AMDHD1: variants seen among roughly 807,000 people sequenced by gnomAD.
AMDHD1 encodes probable imidazolonepropionase.
Under a neutral mutation model 44.1 loss-of-function variants are expected in AMDHD1, and 45 were observed. The observed-to-expected ratio is 1.02, with a 90% CI of 0.80 to 1.31. The LOEUF (loss-of-function observed/expected upper bound fraction) is 1.31, where lower values mean the gene tolerates loss of function less well. Among genes scored for constraint, AMDHD1 ranks in the 50% most tolerant of loss-of-function variants. AMDHD1 has a pLI of 0.00. For synonymous variants in AMDHD1, 206 were observed against 205.0 expected (o/e 1.00, Z -0.04); for missense variants, 586 against 552.1 (o/e 1.06, Z -0.61).
At chr12:95,958,776 C>T (rs941105824) in intron 4 of AMDHD1, among the ~76,000 whole-genome samples, 10 of 152,180 alleles carry the variant, frequency 6.6e-5, no homozygotes, top group African/African-American at 2.4e-4. Context: ...CTTGCGCAGG[C>T]AGGGCACGGT....
intron 5 of AMDHD1, among the ~76,000 whole-genome samples, 193 bp downstream of exon 5, chr12:95,960,816 G>T (rs1439005760): frequency 1.3e-5 from 2 of 152,120 alleles, no homozygotes; most frequent in Non-Finnish European, 2.9e-5. Flanking sequence ...TTTTGCTGAT[G>T]ATTTACTTTC....
intron 6 of AMDHD1, among the ~76,000 whole-genome samples, chr12:95,964,050 A>AT (rs1460823354): frequency 6.8e-6 from 1 of 147,960 alleles, no homozygotes; most frequent in African/African-American, 2.5e-5. Flanking sequence ...AAAAAAAAAA[A>AT]GGCCTTTCTT....
At chr12:95,959,206 A>G (rs1024111846) in intron 4 of AMDHD1, among the ~76,000 whole-genome samples, 3 of 152,232 alleles carry the variant, frequency 2.0e-5, no homozygotes, top group Admixed American at 6.5e-5. Context: ...GAAGTTTCAC[A>G]GAAATTTTCT....
intron 5 of AMDHD1, among the ~76,000 whole-genome samples, chr12:95,961,736 C>T (rs2080582791): frequency 6.6e-6 from 1 of 152,264 alleles, no homozygotes; most frequent in Non-Finnish European, 1.5e-5. Flanking sequence ...CAATTCCTCC[C>T]AATTCTCCCA....
At position 95,968,012 on chromosome 12, in the gene AMDHD1, A is replaced by T. The variant is rs1019739528; in HGVS notation, c.*169A>T. 7.9e-6 allele frequency: 4 copies of T among 507,116 alleles called. No individual in the cohort carries two copies. The African/African-American group carries it at 8.0e-5, about 10-fold the overall frequency. 31.4% of individuals were successfully genotyped at this position (507,116 alleles called of 1,614,324 possible). A position where few individuals can be genotyped will look rare whatever the true frequency, so the allele number is the denominator to read the frequency against. ...CCAAGGGATAGATTTATTTTCATTT[A>T]ACACATGCATTTGACATATAAACAG... On this transcript the variant is annotated 3_prime_UTR_variant, in exon 9 of 9. Transcript: ENST00000266736.
chr12:95,960,067 A>C (rs997724442), intron 4 of AMDHD1, among the ~76,000 whole-genome samples: 3 of 152,098 alleles, frequency 2.0e-5, no homozygotes, highest in Admixed American at 6.6e-5. Context: ...GATTACAGGC[A>C]TGAGTCACTG....
At chr12:95,957,676 T>C (rs886176207) in intron 4 of AMDHD1, among the ~76,000 whole-genome samples, 1 of 152,204 alleles carries the variant, frequency 6.6e-6, no homozygotes, top group African/African-American at 2.4e-5. Context: ...AATATAATAC[T>C]ACAGACTTAC....
In AMDHD1 at chr12:95,960,443, C is replaced by T. The variant is rs773040508; in HGVS notation, c.633C>T (p.His211=). 6.2e-6 allele frequency: 10 copies of T among 1,614,220 alleles called. No homozygotes were observed. The highest frequency in any genetic ancestry group is 1.6e-4 in the Middle Eastern group (1 of 6,062). The change falls in exon 5 of 9, where the codon CAC becomes CAT. Residue 211 remains histidine (H), a synonymous_variant. Coordinates refer to ENST00000266736, the MANE Select transcript of AMDHD1 (RefSeq NM_152435.3). ...CTGCTGATGACATCATCAATAACCACCTCCCAAAGCTGAAGGAACTTGGCA... is the reference window on the plus strand; with the variant it reads ...CTGCTGATGACATCATCAATAACCATCTCCCAAAGCTGAAGGAACTTGGCA... ...TEAADDIINN[H]LPKLKELGRN...
intron 1 of AMDHD1, 120 bp downstream of exon 1, chr12:95,943,655 G>T: frequency 7.7e-7 from 1 of 1,301,596 alleles, no homozygotes; most frequent in East Asian, 3.1e-5. Flanking sequence ...AGATACACGG[G>T]CAAGCCAGCC....
At chr12:95,960,297 T>C in intron 4 of AMDHD1, 101 bp from the exon 5 acceptor site, 1 of 987,304 alleles carries the variant, frequency 1.0e-6, no homozygotes, top group Non-Finnish European at 1.5e-6. Context: ...TTGAAGTCAT[T>C]TACCTCTACT....
At position 95,949,156 on chromosome 12, in the gene AMDHD1, AAAAG is replaced by A. The variant is rs2080515183; in HGVS notation, c.138-3557_138-3554del. Among the ~76,000 whole-genome samples the A allele has an allele frequency of 2.7e-4, 5 of 18,802 alleles. 2 individuals carry two copies. The highest frequency in any genetic ancestry group is 4.9e-4 in the African/African-American group (1 of 2,052). The allele number at this position is 18,802 out of a possible 152,430, so 12.3% of individuals were successfully genotyped here. A position where few individuals can be genotyped will look rare whatever the true frequency, so the allele number is the denominator to read the frequency against. On this transcript the variant is annotated intron_variant, in intron 1 of 8. Transcript: ENST00000266736. The stretch of plus-strand genomic sequence containing the variant: ...AAAATAAATTAAAAAAAAAAAAAAA[AAAAG>A]AAAAAAAAAAAAAAAAAAGAGACTG...
Position 95,965,715 on chromosome 12 carries a change from T to G in AMDHD1, c.968T>G (p.Leu323Ter), listed in dbSNP as rs2080606896. ...AAACAACCTCGAGCCAGGAAGATGT[T>G]AGATGAAGGAGTAATAGTTGCTCTG... ...RLKQPRARKM[L>*]DEGVIVALGS... The change falls in exon 7 of 9, where the codon TTA (leucine) becomes TGA (stop). Residue 323 changes from leucine to a stop codon, truncating the protein, a stop_gained. Transcript: ENST00000266736. LOFTEE classifies it high-confidence loss of function. The G allele has an allele frequency of 6.2e-7, 1 of 1,613,032 alleles. No individual in the cohort carries two copies. The highest frequency in any genetic ancestry group is 1.3e-5 in the African/African-American group (1 of 74,902).
At chr12:95,952,410 A>G (rs941649441) in intron 1 of AMDHD1, among the ~76,000 whole-genome samples, 9 of 152,078 alleles carry the variant, frequency 5.9e-5, no homozygotes, top group South Asian at 2.1e-4. Flanking sequence ...CCACTGGTCT[A>G]TGTGTCTGTT....
intron 3 of AMDHD1, among the ~76,000 whole-genome samples, chr12:95,955,437 G>A (rs927164323): frequency 4.6e-5 from 7 of 151,988 alleles, no homozygotes; most frequent in Admixed American, 1.3e-4. Flanking sequence ...CCTGGTTGGA[G>A]AGATTTTCAC....
intron 4 of AMDHD1, 47 bp from the exon 5 acceptor site, chr12:95,960,351 G>A: frequency 6.4e-7 from 1 of 1,552,470 alleles, no homozygotes; most frequent in African/African-American, 1.4e-5. Flanking sequence ...GTCTTTTTGT[G>A]TTTTGTTTTT....
chr12:95,952,929 T>TA (rs2080531716), intron 2 of AMDHD1, 106 bp downstream of exon 2: 12 of 655,178 alleles, frequency 1.8e-5, no homozygotes, highest in East Asian at 5.6e-5. Flanking sequence ...AAATAATATT[T>TA]AAAAAAAATC....
In AMDHD1 at chr12:95,943,408, G is replaced by A. The variant is rs1241463784; in HGVS notation, c.10G>A (p.Gly4Ser). Residue 4 changes from glycine (G) to serine (S), a missense_variant, in exon 1 of 9, where the codon GGC (glycine) becomes AGC (serine). Gly to Ser is a moderately conservative substitution (Grantham distance 56). Transcript: ENST00000266736. Reference sequence around the variant, plus strand: ...CTCGGCGCGAGGCGACATGGCAAGCGGCCACAGCCTCCTGCTGGAGAACGC... The same window carrying A: ...CTCGGCGCGAGGCGACATGGCAAGCAGCCACAGCCTCCTGCTGGAGAACGC... MASGHSLLLENAQQ... is the reference protein window; with the variant it reads MASSHSLLLENAQQ... 6.7e-7 allele frequency: 1 copy of A among 1,498,128 alleles called. No homozygotes were observed. The highest frequency in any genetic ancestry group is 8.8e-7 in the Non-Finnish European group (1 of 1,130,668). The allele number at this position is 1,498,128 out of a possible 1,614,324, so 92.8% of individuals were successfully genotyped here.
At chr12:95,965,607 C>T in intron 6 of AMDHD1, 79 bp from the exon 7 acceptor site, 1 of 882,254 alleles carries the variant, frequency 1.1e-6, no homozygotes, top group South Asian at 1.7e-5. Context: ...TTGACTGTCT[C>T]AAGTTCTCTT....
chr12:95,956,184 C>G (rs1316363217), intron 3 of AMDHD1, among the ~76,000 whole-genome samples: 1 of 152,216 alleles, frequency 6.6e-6, no homozygotes, highest in Non-Finnish European at 1.5e-5. Context: ...TCTCAGCTCC[C>G]TGCAACCTCC....
Sources: allele counts gnomAD v4.1 joint callset (sites outside exome capture counted in the v4.1 genomes callset), GRCh38; gene constraint gnomAD v4.1.1; transcripts MANE v1.5; gene names NCBI Gene and HGNC (gene_info 2026-07-23, HGNC 2026-07-21).